The following DIP2A variants were observed in gnomAD, a reference collection of about 807,000 sequenced individuals.
DIP2A encodes the protein DIP2 acetate--CoA ligase A.
Under a neutral mutation model 177.4 loss-of-function variants are expected in DIP2A, and 85 were observed. The ratio of observed to expected loss-of-function variants is 0.48; its 90% CI spans 0.40 to 0.57. The LOEUF (loss-of-function observed/expected upper bound fraction) is 0.57, where lower values mean the gene tolerates loss of function less well. Among genes scored for constraint, DIP2A ranks in the 20% least tolerant of loss-of-function variants. The pLI, the probability that DIP2A is intolerant of heterozygous loss-of-function variation, is 0.00. For synonymous variants in DIP2A, 886 were observed against 881.8 expected (o/e 1.00, Z -0.08); for missense variants, 1,791 against 2,100.2 (o/e 0.85, Z 2.88).
chr21:46,509,990 C>T (rs887924903), intron 7 of DIP2A, among the ~76,000 whole-genome samples: 61 of 152,134 alleles, frequency 4.0e-4, no homozygotes, highest in African/African-American at 1.4e-3. Context: ...ATTATTTCCC[C>T]GTTGTAATCA....
chr21:46,544,592 A>G (rs2059953083), intron 18 of DIP2A, among the ~76,000 whole-genome samples: 2 of 152,338 alleles, frequency 1.3e-5, no homozygotes, highest in South Asian at 2.1e-4. Context: ...GTTAGGCAGA[A>G]CTTAAAATGA....
intron 1 of DIP2A, among the ~76,000 whole-genome samples, chr21:46,473,469 G>T (rs970783899): frequency 7.2e-6 from 1 of 138,580 alleles, no homozygotes; most frequent in South Asian, 2.3e-4. Flanking sequence ...AAAAAAAAAG[G>T]GGGGGGGGCC....
At chr21:46,539,661 C>T (rs2059724360) in intron 16 of DIP2A, 4 of 571,526 alleles carry the variant, frequency 7.0e-6, no homozygotes, top group Non-Finnish European at 1.3e-5. Context: ...CTTTGGAGCA[C>T]CAGACCATCC....
intron 21 of DIP2A, among the ~76,000 whole-genome samples, chr21:46,547,869 T>C (rs193161147): frequency 1.5e-3 from 229 of 152,008 alleles, no homozygotes; most frequent in Non-Finnish European, 3.0e-3. Flanking sequence ...AGGGTCTCAC[T>C]ATGTTGCTCA....
intron 7 of DIP2A, among the ~76,000 whole-genome samples, chr21:46,509,595 A>G (rs1476494671): frequency 6.6e-6 from 1 of 152,154 alleles, no homozygotes; most frequent in Non-Finnish European, 1.5e-5. Context: ...GTGACTTGGC[A>G]TTTCATAAAA....
In DIP2A at chr21:46,550,560, C is replaced by T. The variant is rs1806023849; in HGVS notation, c.2655C>T (p.His885=). ...SRVLQAIDSI[H]QVGVYCLALV... is the part of the protein sequence containing the mutation. Reference sequence around the variant, plus strand: ...CCTTTCAGGCCATTGATAGCATCCACCAGGTGGGCGTGTACTGTCTGGCCC... The same window carrying T: ...CCTTTCAGGCCATTGATAGCATCCATCAGGTGGGCGTGTACTGTCTGGCCC... Residue 885 remains histidine (H), a synonymous_variant, in exon 23 of 38, where the codon CAC becomes CAT. Coordinates refer to ENST00000417564, the MANE Select transcript of DIP2A (RefSeq NM_015151.4). 6.2e-7 allele frequency: 1 copy of T among 1,613,300 alleles called. No individual in the cohort carries two copies.
chr21:46,527,565 A>G (rs1601684191), intron 8 of DIP2A, among the ~76,000 whole-genome samples: 1 of 151,774 alleles, frequency 6.6e-6, no homozygotes, highest in African/African-American at 2.4e-5. Flanking sequence ...ACCTCAGATG[A>G]TCCACCCATC....
At chr21:46,550,002 T>G in intron 22 of DIP2A, 117 bp downstream of exon 22, 1 of 1,529,598 alleles carries the variant, frequency 6.5e-7, no homozygotes, top group Non-Finnish European at 8.7e-7. Context: ...TCCAGCTTTG[T>G]TTATCTGTAT....
intron 5 of DIP2A, among the ~76,000 whole-genome samples, chr21:46,501,504 T>G (rs1388247942): frequency 6.6e-6 from 1 of 152,132 alleles, no homozygotes; most frequent in African/African-American, 2.4e-5. Flanking sequence ...ACTGCAGCCT[T>G]GAACTCCTGG....
At chr21:46,484,091 C>T (rs748982613) in intron 1 of DIP2A, among the ~76,000 whole-genome samples, 5 of 152,192 alleles carry the variant, frequency 3.3e-5, no homozygotes, top group Non-Finnish European at 7.3e-5. Context: ...CACCCCTTGG[C>T]CTGGGACGGC....
chr21:46,498,886 T>A lies in DIP2A; in HGVS notation c.655+53T>A, dbSNP rs548113125. On this transcript the variant is annotated intron_variant, in intron 5 of 37. Coordinates refer to ENST00000417564, the MANE Select transcript of DIP2A (RefSeq NM_015151.4). The surrounding 1 kb of genome is among the most constrained non-coding windows in gnomAD (Gnocchi z 4.3). ...TGCCAGCAGAGCGGGGTCAGGAGTG[T>A]CCAGGACAGAGGAGCAGATGGAGGG... The A allele has an allele frequency of 6.5e-7, 1 of 1,531,546 alleles. No individual in the cohort carries two copies. Among genetic ancestry groups the A allele is most frequent in the Non-Finnish European group, 8.8e-7 (1 of 1,135,612 alleles). 94.9% of individuals were successfully genotyped at this position (1,531,546 alleles called of 1,614,324 possible). A position where few individuals can be genotyped will look rare whatever the true frequency, so the allele number is the denominator to read the frequency against.
chr21:46,524,208 G>C (rs2058960527), intron 8 of DIP2A, among the ~76,000 whole-genome samples: 1 of 152,178 alleles, frequency 6.6e-6, no homozygotes, highest in Admixed American at 6.5e-5. Context: ...ATTCTGTAGT[G>C]CCAGATCCAT....
In DIP2A at chr21:46,478,005, A is replaced by C. The variant is rs544663676; in HGVS notation, c.92-6752A>C. Among the ~76,000 whole-genome samples the C allele has an allele frequency of 3.3e-5, 5 of 152,282 alleles. No homozygotes were observed. The East Asian group carries it at 9.7e-4, about 29-fold the overall frequency. On this transcript the variant is annotated intron_variant, in intron 1 of 37. Transcript: ENST00000417564. ...TGACTCAGAACATTTGGAAGAGGCT[A>C]TCCTTCCCCTGCTGCTTCGGACTGA...
chr21:46,556,975 A>G lies in DIP2A; in HGVS notation c.3535A>G (p.Ile1179Val), dbSNP rs758779594. The change falls in exon 30 of 38, where the codon ATA becomes GTA. Residue 1179 changes from isoleucine (I) to valine (V), a missense_variant. Transcript: ENST00000417564. This position sits in a 1 kb window ranked among gnomAD's most constrained non-coding sequence, Gnocchi z 4.5. The stretch of plus-strand genomic sequence containing the variant: ...GGCCACAAGCGCCTTATGCCGCTCC[A>G]TAAAGCTGCAGTGTGAGCTGTACCC... The part of the protein sequence containing the change: ...HAATSALCRS[I>V]KLQCELYPSR... 15 of 1,597,692 alleles carry G rather than the reference A, an allele frequency of 9.4e-6. No individual in the cohort carries two copies. Among genetic ancestry groups the G allele is most frequent in the East Asian group, 4.5e-5 (2 of 44,422 alleles).
rs117976359 is a variant in DIP2A at position 46,490,056 on chromosome 21, C to T, written c.164-544C>T. Among the ~76,000 whole-genome samples, 7 of 152,290 alleles carry T rather than the reference C, an allele frequency of 4.6e-5. No individual in the cohort carries two copies. The East Asian group carries it at 1.4e-3, about 29-fold the overall frequency. Reference sequence around the variant, plus strand: ...CTGAGCAGGTCCCAGCCTCTCAGCACTTTGGGCCCTGACGCCATCTTTCTA... The same window carrying T: ...CTGAGCAGGTCCCAGCCTCTCAGCATTTTGGGCCCTGACGCCATCTTTCTA... On this transcript the variant is annotated intron_variant, in intron 2 of 37. Coordinates refer to ENST00000417564, the MANE Select transcript of DIP2A (RefSeq NM_015151.4).
At chr21:46,564,077 C>G in intron 35 of DIP2A, 145 bp downstream of exon 35, 1 of 898,898 alleles carries the variant, frequency 1.1e-6, no homozygotes, top group Non-Finnish European at 1.7e-6. Flanking sequence ...GTGTACCTCC[C>G]AGACCCAGTT....
the DIP2A span, among the ~76,000 whole-genome samples, chr21:46,577,809 T>G: frequency 6.6e-6 from 1 of 152,204 alleles, no homozygotes; most frequent in Non-Finnish European, 1.5e-5. Flanking sequence ...CTGATTTCCT[T>G]GAGCAGTGGT....
intron 34 of DIP2A, 129 bp downstream of exon 34, chr21:46,561,934 G>C (rs147398012): frequency 1.0e-4 from 152 of 1,481,584 alleles, no homozygotes; most frequent in Non-Finnish European, 1.3e-4. Flanking sequence ...GGGTGGGCTC[G>C]GCTGCTGCAG....
chr21:46,535,604 A>G (rs921013329), intron 13 of DIP2A, among the ~76,000 whole-genome samples: 7 of 152,230 alleles, frequency 4.6e-5, no homozygotes, highest in African/African-American at 9.6e-5. Flanking sequence ...AGAAAAAAAT[A>G]TAGGTGTTTA....
Sources: allele counts gnomAD v4.1 joint callset (sites outside exome capture counted in the v4.1 genomes callset), GRCh38; gene constraint gnomAD v4.1.1; non-coding constraint Gnocchi (gnomAD v3.1); transcripts MANE v1.5; gene names NCBI Gene and HGNC (gene_info 2026-07-23, HGNC 2026-07-21).